The following SEMA3E variants were observed in gnomAD, a reference collection of about 807,000 sequenced individuals.
SEMA3E encodes semaphorin-3E.
A neutral mutation model predicts 93.6 loss-of-function variants in SEMA3E; 49 were observed. The ratio of observed to expected loss-of-function variants is 0.52; its 90% CI spans 0.42 to 0.66. The LOEUF is 0.66. Among genes scored for constraint, SEMA3E ranks in the 30% least tolerant of loss-of-function variants. The pLI is 0.00. For missense variants in SEMA3E, 906 were observed against 964.8 expected (o/e 0.94, Z 0.81); for synonymous variants, 363 against 330.7 (o/e 1.10, Z -1.06).
intron 1 of SEMA3E, among the ~76,000 whole-genome samples, chr7:83,639,435 G>A (rs1373141893): frequency 6.6e-6 from 1 of 151,726 alleles, no homozygotes; most frequent in Non-Finnish European, 1.5e-5. Flanking sequence ...CCATAATATG[G>A]AAGCCAACTA....
rs531134254 is a variant in SEMA3E at position 83,381,797 on chromosome 7, T to A, written c.1875+3497A>T. Among the ~76,000 whole-genome samples, 20 of 152,074 alleles carry A rather than the reference T, an allele frequency of 1.3e-4. No homozygotes were observed. The South Asian group carries it at 3.7e-3, about 28-fold the overall frequency. ...CACATTTTCCTTGATATAGAAGTCA[T>A]CTTGTACTACCAATAGGCATATAGT... On this transcript the variant is annotated intron_variant, in intron 16 of 16. Coordinates refer to ENST00000643230, the MANE Select transcript of SEMA3E (RefSeq NM_012431.3).
intron 16 of SEMA3E, 132 bp from the exon 17 acceptor site, chr7:83,368,170 A>G: frequency 1.3e-6 from 1 of 758,392 alleles, no homozygotes; most frequent in Non-Finnish European, 2.2e-6. Flanking sequence ...AATCATACAT[A>G]CACAAAAATG....
chr7:83,518,883 A>G (rs1584304099), intron 1 of SEMA3E, among the ~76,000 whole-genome samples: 2 of 152,166 alleles, frequency 1.3e-5, no homozygotes, highest in Admixed American at 6.6e-5. Flanking sequence ...TTCATAGCAT[A>G]ATGAAACTCC....
rs549940803 is a variant in SEMA3E, at chr7:83,367,602, T to C, written c.2312A>G (p.His771Arg). 7 of 1,614,040 alleles carry C rather than the reference T, an allele frequency of 4.3e-6. No homozygotes were observed. Among genetic ancestry groups the C allele is most frequent in the Non-Finnish European group, 5.9e-6 (7 of 1,180,000 alleles). Residue 771 changes from histidine (H) to arginine (R), a missense_variant, in exon 17 of 17, where the codon CAC (histidine) becomes CGC (arginine). His to Arg is a conservative substitution (Grantham distance 29). Coordinates refer to ENST00000643230, the MANE Select transcript of SEMA3E (RefSeq NM_012431.3). ...CTCACCCCATCAGGAGTCCAGCGTG[T>C]GCCTGGGCAGGCGGTAATGCTCAGG... is the stretch of plus-strand genomic sequence containing the variant. Reference protein sequence around the residue: ...SKPEHYRLPRHTLDS With the variant: ...SKPEHYRLPRRTLDS
At chr7:83,637,683 T>C (rs1466517696) in intron 1 of SEMA3E, among the ~76,000 whole-genome samples, 1 of 152,116 alleles carries the variant, frequency 6.6e-6, no homozygotes, top group Non-Finnish European at 1.5e-5. Context: ...ATGTGTTTGC[T>C]TCCCCTTCTG....
At chr7:83,451,218 C>T (rs1789352196) in intron 4 of SEMA3E, among the ~76,000 whole-genome samples, 1 of 152,106 alleles carries the variant, frequency 6.6e-6, no homozygotes, top group Non-Finnish European at 1.5e-5. Flanking sequence ...TCAATTAATC[C>T]TCTTTCCTTT....
chr7:83,481,418 G>T (rs998522655), intron 2 of SEMA3E, among the ~76,000 whole-genome samples: 53 of 151,812 alleles, frequency 3.5e-4, no homozygotes, highest in African/African-American at 1.3e-3. Flanking sequence ...TTCTTAAAAC[G>T]TTAAATCAGA....
intron 16 of SEMA3E, chr7:83,372,609 C>A: frequency 4.8e-6 from 1 of 208,024 alleles, no homozygotes; most frequent in Non-Finnish European, 9.5e-6. Context: ...ATATAAAGTC[C>A]AGATTGGTCA....
chr7:83,645,091 A>C (rs1355122372), intron 1 of SEMA3E, among the ~76,000 whole-genome samples: 2 of 151,932 alleles, frequency 1.3e-5, no homozygotes, highest in South Asian at 2.1e-4. Flanking sequence ...TCTGAGCTCC[A>C]TTATCAAGAA....
chr7:83,441,461 A>G (rs1429733019), intron 4 of SEMA3E, among the ~76,000 whole-genome samples: 9 of 152,240 alleles, frequency 5.9e-5, no homozygotes, highest in Non-Finnish European at 1.0e-4. Flanking sequence ...CAATGGCAAT[A>G]GTTGATGCCA....
rs115057748 is a variant in SEMA3E, at chr7:83,563,859, T to G, written c.116-73585A>C. 9.0e-3 allele frequency among the ~76,000 whole-genome samples: 1,374 copies of G among 152,274 alleles called. 20 individuals are homozygous for G. Among genetic ancestry groups the G allele is most frequent in the African/African-American group, 0.032 (1,330 of 41,560 alleles). ...ATAGGAGTCAAAGCTGTTGATCCAC[T>G]CCAATTTAATACCTGTCTGAAATGG... On this transcript the variant is annotated intron_variant, in intron 1 of 16. Coordinates refer to ENST00000643230, the MANE Select transcript of SEMA3E (RefSeq NM_012431.3).
intron 16 of SEMA3E, among the ~76,000 whole-genome samples, chr7:83,379,253 G>A (rs1044292431): frequency 2.0e-5 from 3 of 151,342 alleles, no homozygotes; most frequent in South Asian, 2.1e-4. Flanking sequence ...AGGTGGGAGG[G>A]TGAGAGGTAG....
At chr7:83,412,317 G>A (rs777573498) in intron 5 of SEMA3E, among the ~76,000 whole-genome samples, 16 of 152,050 alleles carry the variant, frequency 1.1e-4, no homozygotes, top group Non-Finnish European at 2.1e-4. Flanking sequence ...TTGAAATGAT[G>A]CCTCATTAAT....
chr7:83,515,113 G>C (rs147025220), intron 1 of SEMA3E, among the ~76,000 whole-genome samples: 205 of 152,054 alleles, frequency 1.3e-3, no homozygotes, highest in African/African-American at 4.7e-3. Context: ...AACAGTATTG[G>C]TTAGAGTGAG....
intron 1 of SEMA3E, among the ~76,000 whole-genome samples, chr7:83,520,014 A>G (rs1293593242): frequency 6.6e-6 from 1 of 152,160 alleles, no homozygotes; most frequent in Non-Finnish European, 1.5e-5. Flanking sequence ...AAATATATGA[A>G]CAATTAAATA....
intron 4 of SEMA3E, among the ~76,000 whole-genome samples, chr7:83,460,833 T>C (rs1488518262): frequency 6.6e-6 from 1 of 151,392 alleles, no homozygotes; most frequent in East Asian, 2.0e-4. Flanking sequence ...CAACCCCTTT[T>C]CCCACTTTTC....
chr7:83,557,978 T>G (rs1056876283), intron 1 of SEMA3E, among the ~76,000 whole-genome samples: 1 of 152,216 alleles, frequency 6.6e-6, no homozygotes, highest in African/African-American at 2.4e-5. Context: ...ATGGCTTTTC[T>G]ATTTGAACAT....
intron 4 of SEMA3E, among the ~76,000 whole-genome samples, chr7:83,427,645 A>T (rs1447920559): frequency 6.6e-6 from 1 of 152,156 alleles, no homozygotes; most frequent in Non-Finnish European, 1.5e-5. Context: ...TTATTTTGAG[A>T]GTTCATTGTG....
chr7:83,425,166 T>C (rs1326194684), intron 4 of SEMA3E, among the ~76,000 whole-genome samples: 2 of 152,122 alleles, frequency 1.3e-5, no homozygotes, highest in Admixed American at 6.5e-5. Flanking sequence ...TAATGAGCTA[T>C]TGCAGAGGTG....
Sources: gnomAD v4.1 joint callset for allele counts (sites outside exome capture counted in the v4.1 genomes callset) on GRCh38, gnomAD v4.1.1 for gene constraint, MANE v1.5 for transcripts, NCBI Gene and HGNC (gene_info 2026-07-23, HGNC 2026-07-21) for gene names.